The following ELFN1 variants were observed in gnomAD, a reference collection of about 807,000 sequenced individuals.
The protein encoded by ELFN1 is extracellular leucine rich repeat and fibronectin type III domain containing 1, also known as protein ELFN1.
ELFN1 carries 6 observed loss-of-function variants against 7.6 expected under a neutral mutation model. That is an observed-to-expected ratio of 0.79 (90% CI 0.43 to 1.56). The LOEUF is 1.56. ELFN1 is among the 40% of genes most tolerant of loss of function. The pLI is 0.01. For missense variants in ELFN1, 1,169 were observed against 1,232.2 expected (o/e 0.95, Z 0.77); for synonymous variants, 657 against 588.1 (o/e 1.12, Z -1.70).
chr7:1,724,408 C>T lies in ELFN1; in HGVS notation c.-294+15156C>T, dbSNP rs116084940. On this transcript the variant is annotated intron_variant, in intron 3 of 3. Transcript: ENST00000424383. ...TTGGTCTTCCTGTTCCCTGAGGTGC[C>T]GTGCGGCCCCACCTCCCTGCTGGCT... Among the ~76,000 whole-genome samples, 1,057 of 152,188 alleles carry T rather than the reference C, an allele frequency of 6.9e-3. 10 individuals carry two copies. The highest frequency in any genetic ancestry group is 0.023 in the African/African-American group (970 of 41,536).
chr7:1,687,838 G>A (rs1253189400), intron 1 of ELFN1, among the ~76,000 whole-genome samples: 1 of 151,964 alleles, frequency 6.6e-6, no homozygotes, highest in East Asian at 1.9e-4. Flanking sequence ...TTGGATATTT[G>A]TATGTCATTT....
At chr7:1,701,865 C>T (rs185974102) in intron 2 of ELFN1, among the ~76,000 whole-genome samples, 4 of 152,106 alleles carry the variant, frequency 2.6e-5, no homozygotes, top group African/African-American at 7.2e-5. Flanking sequence ...CTTTATCTTT[C>T]AAAATGTATA....
chr7:1,682,122 A>C (rs1299644989), intron 1 of ELFN1, among the ~76,000 whole-genome samples: 3 of 152,136 alleles, frequency 2.0e-5, no homozygotes, highest in Non-Finnish European at 4.4e-5. Context: ...TATAAAGTCC[A>C]ATTTATCATT....
intron 1 of ELFN1, among the ~76,000 whole-genome samples, chr7:1,674,090 GA>G (rs368309225): frequency 4.0e-5 from 6 of 151,396 alleles, no homozygotes; most frequent in African/African-American, 7.3e-5. Context: ...TCCGGGCCGT[GA>G]GGGGTGCACA....
chr7:1,713,531 TATCCAGGC>T (rs1779728915), intron 3 of ELFN1, among the ~76,000 whole-genome samples: 1 of 152,332 alleles, frequency 6.6e-6, no homozygotes, highest in South Asian at 2.1e-4. Flanking sequence ...AAGTTGCTTT[TATCCAGGC>T]AGTGATTGAG....
chr7:1,731,705 G>A (rs1269639956), intron 3 of ELFN1, among the ~76,000 whole-genome samples: 1 of 152,240 alleles, frequency 6.6e-6, no homozygotes, highest in Non-Finnish European at 1.5e-5. Flanking sequence ...AGGCTGGGGT[G>A]CAGTGGTGCG....
At chr7:1,714,572 A>G (rs1048992329) in intron 3 of ELFN1, among the ~76,000 whole-genome samples, 11 of 152,246 alleles carry the variant, frequency 7.2e-5, no homozygotes, top group Non-Finnish European at 1.2e-4. Flanking sequence ...AAACAAAACA[A>G]TGTTATTAAA....
intron 2 of ELFN1, among the ~76,000 whole-genome samples, chr7:1,701,724 G>C (rs1216149989): frequency 6.6e-6 from 1 of 152,096 alleles, no homozygotes; most frequent in East Asian, 1.9e-4. Context: ...ATCACCTGAG[G>C]CTGAGAAGTT....
intron 3 of ELFN1, among the ~76,000 whole-genome samples, chr7:1,729,072 G>A (rs112984806): frequency 2.3e-4 from 35 of 152,264 alleles, no homozygotes; most frequent in Middle Eastern, 6.8e-3. Context: ...CTCCTGCCCC[G>A]CGGAGCTGCC....
chr7:1,729,998 C>T (rs1293140905), intron 3 of ELFN1, among the ~76,000 whole-genome samples: 1 of 152,238 alleles, frequency 6.6e-6, no homozygotes, highest in East Asian at 1.9e-4. Flanking sequence ...TGGGGTCACC[C>T]TCCAAGGCCC....
intron 3 of ELFN1, among the ~76,000 whole-genome samples, chr7:1,715,070 G>A (rs1344588287): frequency 6.6e-6 from 1 of 152,206 alleles, no homozygotes; most frequent in Non-Finnish European, 1.5e-5. Flanking sequence ...CACCAGCTAA[G>A]TCTGTTCCTT....
At chr7:1,719,518 A>G (rs542788060) in intron 3 of ELFN1, among the ~76,000 whole-genome samples, 5 of 152,290 alleles carry the variant, frequency 3.3e-5, no homozygotes, top group South Asian at 2.1e-4. Flanking sequence ...TGTCTTAGAC[A>G]TGGCCCTGTT....
Position 1,747,224 on chromosome 7 carries a change from G to T in ELFN1, c.*141G>T. Reference sequence around the variant, plus strand: ...CTGCAGAGGCGAGGGGGGAGCGAGTGGGGACAGACAAGGGGGACACGTCCC... The same window carrying T: ...CTGCAGAGGCGAGGGGGGAGCGAGTTGGGACAGACAAGGGGGACACGTCCC... On this transcript the variant is annotated 3_prime_UTR_variant, in exon 4 of 4. Coordinates refer to ENST00000424383, the MANE Select transcript of ELFN1 (RefSeq NM_001128636.4). 1 of 1,018,934 alleles carries T rather than the reference G, an allele frequency of 9.8e-7. No homozygotes were observed. The allele number at this position is 1,018,934 out of a possible 1,614,324, so 63.1% of individuals were successfully genotyped here. A position where few individuals can be genotyped will look rare whatever the true frequency, so the allele number is the denominator to read the frequency against.
chr7:1,747,169 C>T lies in ELFN1; in HGVS notation c.*86C>T. ...CAGCACCAAACCCAACACACGCACG[C>T]CACCACAGCAACTGTGACAGCGGGG... On this transcript the variant is annotated 3_prime_UTR_variant, in exon 4 of 4. Coordinates refer to ENST00000424383, the MANE Select transcript of ELFN1 (RefSeq NM_001128636.4). 7.4e-7 allele frequency: 1 copy of T among 1,351,834 alleles called. No homozygotes were observed. 83.7% of individuals were successfully genotyped at this position (1,351,834 alleles called of 1,614,324 possible). A position where few individuals can be genotyped will look rare whatever the true frequency, so the allele number is the denominator to read the frequency against.
At position 1,745,160 on chromosome 7, in the gene ELFN1, C is replaced by T. The variant is rs1284602154; in HGVS notation, c.564C>T (p.Tyr188=). The change falls in exon 4 of 4, where the codon TAC becomes TAT. Residue 188 remains tyrosine (Y), a synonymous_variant. Transcript: ENST00000424383. ...CCAAGCTGTCGGTGTGCGAGCTCTACAGCAACCCCTTCTACTGCTCCTGCG... is the reference window on the plus strand; with the variant it reads ...CCAAGCTGTCGGTGTGCGAGCTCTATAGCAACCCCTTCTACTGCTCCTGCG... ...GLAKLSVCEL[Y]SNPFYCSCEL... 1.3e-6 allele frequency: 2 copies of T among 1,549,718 alleles called. No individual in the cohort carries two copies. Among genetic ancestry groups the T allele is most frequent in the African/African-American group, 1.4e-5 (1 of 73,062 alleles).
chr7:1,716,602 C>T (rs781391804), intron 3 of ELFN1, among the ~76,000 whole-genome samples: 1 of 152,258 alleles, frequency 6.6e-6, no homozygotes, highest in Non-Finnish European at 1.5e-5. Context: ...TCTGCACACA[C>T]AGGTGTAGGC....
intron 1 of ELFN1, among the ~76,000 whole-genome samples, chr7:1,675,907 C>T (rs1778861371): frequency 1.3e-5 from 2 of 152,226 alleles, no homozygotes; most frequent in Admixed American, 1.3e-4. Context: ...ACTGCCATCT[C>T]GACCTCCACG....
intron 3 of ELFN1, among the ~76,000 whole-genome samples, chr7:1,730,952 G>A (rs190636433): frequency 1.3e-5 from 2 of 152,282 alleles, no homozygotes; most frequent in African/African-American, 2.4e-5. Context: ...AATTTAATAC[G>A]AAGGTGCTGG....
rs1370287730 is a variant in ELFN1, at chr7:1,746,054, C to T, written c.1458C>T (p.Gly486=). Residue 486 remains glycine, a synonymous_variant, in exon 4 of 4, where the codon GGC becomes GGT. Transcript: ENST00000424383. ...CCGGCCTGGCCCCGCTGTCCCAGGG[C>T]CCGCTGCTGGGCCCCGAGGCCGTGA... ...EAPGLAPLSQ[G]PLLGPEAVTR... 1.3e-6 allele frequency: 2 copies of T among 1,546,892 alleles called. No individual in the cohort carries two copies. The highest frequency in any genetic ancestry group is 2.5e-5 in the East Asian group (1 of 40,796).
Sources: allele counts gnomAD v4.1 joint callset (sites outside exome capture counted in the v4.1 genomes callset), GRCh38; gene constraint gnomAD v4.1.1; transcripts MANE v1.5; gene names NCBI Gene and HGNC (gene_info 2026-07-23, HGNC 2026-07-21).